The following RIMS2 variants were observed in gnomAD, a reference collection of about 807,000 sequenced individuals.
RIMS2 encodes regulating synaptic membrane exocytosis protein 2.
RIMS2 carries 59 observed loss-of-function variants against 174.4 expected under a neutral mutation model. The ratio of observed to expected loss-of-function variants is 0.34; its 90% confidence interval spans 0.27 to 0.42. The LOEUF (loss-of-function observed/expected upper bound fraction) is 0.42, where lower values mean the gene tolerates loss of function less well. RIMS2 is among the 10% of genes least tolerant of loss of function. The pLI is 1.00. For synonymous variants in RIMS2, 606 were observed against 572.5 expected, an observed-to-expected ratio of 1.06 and a Z score of -0.84; for missense variants, 1,620 against 1,666.3, an observed-to-expected ratio of 0.97 and a Z score of 0.48.
At chr8:103,877,205 A>T (rs966164721) in intron 3 of RIMS2, among the ~76,000 whole-genome samples, 4 of 151,482 alleles carry the variant, frequency 2.6e-5, no homozygotes, top group South Asian at 2.1e-4. Context: ...CTACACCAAC[A>T]TTTATTATTT....
intron 3 of RIMS2, among the ~76,000 whole-genome samples, chr8:103,778,666 G>A (rs1436795060): frequency 1.3e-5 from 2 of 152,084 alleles, no homozygotes; most frequent in Non-Finnish European, 2.9e-5. Flanking sequence ...TAGGCATTTA[G>A]GTTGATTTTA....
At chr8:104,217,957 A>G (rs772592307) in intron 19 of RIMS2, among the ~76,000 whole-genome samples, 31 of 152,228 alleles carry the variant, frequency 2.0e-4, no homozygotes, top group Non-Finnish European at 3.5e-4. Flanking sequence ...TTTTTAATAA[A>G]CCAAACCAAA....
intron 19 of RIMS2, among the ~76,000 whole-genome samples, chr8:104,196,616 A>G (rs895411490): frequency 2.0e-5 from 3 of 152,160 alleles, no homozygotes; most frequent in Non-Finnish European, 4.4e-5. Context: ...ATGTTTGATG[A>G]TAGTACAGTT....
chr8:103,583,968 G>C (rs1236026608), intron 1 of RIMS2, among the ~76,000 whole-genome samples: 1 of 152,056 alleles, frequency 6.6e-6, no homozygotes, highest in Non-Finnish European at 1.5e-5. Context: ...GTACAAGAAG[G>C]TTATAGAACT....
chr8:104,135,094 G>A (rs1180744059), intron 19 of RIMS2, among the ~76,000 whole-genome samples: 2 of 152,094 alleles, frequency 1.3e-5, no homozygotes, highest in Non-Finnish European at 1.5e-5. Context: ...TGGTATAAGG[G>A]AATTTCGTCT....
At chr8:104,070,565 C>T (rs2097179227) in intron 19 of RIMS2, among the ~76,000 whole-genome samples, 1 of 152,136 alleles carries the variant, frequency 6.6e-6, no homozygotes, top group South Asian at 2.1e-4. Context: ...TTTCTGCCTA[C>T]AACTAAATAG....
At chr8:104,059,964 C>T (rs1442384685) in intron 19 of RIMS2, among the ~76,000 whole-genome samples, 2 of 151,924 alleles carry the variant, frequency 1.3e-5, no homozygotes, top group South Asian at 2.1e-4. Flanking sequence ...CTGCTGGATT[C>T]GTTTTGCCAG....
chr8:103,576,559 G>A (rs2093254353), intron 1 of RIMS2, among the ~76,000 whole-genome samples: 1 of 151,992 alleles, frequency 6.6e-6, no homozygotes, highest in South Asian at 2.1e-4. Flanking sequence ...CAGTTTTAAG[G>A]AATCTAAATG....
At chr8:103,919,257 A>G (rs140976997) in intron 9 of RIMS2, among the ~76,000 whole-genome samples, 4 of 152,230 alleles carry the variant, frequency 2.6e-5, no homozygotes, top group African/African-American at 9.6e-5. Flanking sequence ...CCTGGGGGGA[A>G]ATCTTTCCAG....
At chr8:103,766,615 T>A (rs1299369497) in intron 3 of RIMS2, 78 bp downstream of exon 6, 11 of 952,470 alleles carry the variant, frequency 1.2e-5, no homozygotes, top group Admixed American at 2.7e-5. Context: ...ATACATGAAA[T>A]GTTTAGGCAA....
chr8:103,515,385 A>G (rs1312159260), intron 1 of RIMS2, among the ~76,000 whole-genome samples: 1 of 152,230 alleles, frequency 6.6e-6, no homozygotes, highest in Non-Finnish European at 1.5e-5. Context: ...AACTCAGTTA[A>G]GCCATTTTTT....
At chr8:103,832,233 G>A (rs1319249083) in intron 3 of RIMS2, among the ~76,000 whole-genome samples, 7 of 151,710 alleles carry the variant, frequency 4.6e-5, no homozygotes, top group Admixed American at 3.9e-4. Context: ...GACAATTTTT[G>A]CCTTTTACAT....
At chr8:103,551,043 T>C (rs980302730) in intron 1 of RIMS2, among the ~76,000 whole-genome samples, 5 of 152,184 alleles carry the variant, frequency 3.3e-5, no homozygotes, top group Admixed American at 2.0e-4. Flanking sequence ...GTACCATTTC[T>C]TCTGAAACTA....
At chr8:103,867,486 T>G (rs935619563) in intron 3 of RIMS2, among the ~76,000 whole-genome samples, 20 of 151,860 alleles carry the variant, frequency 1.3e-4, no homozygotes, top group Non-Finnish European at 1.6e-4. Context: ...AGAACTAACC[T>G]TTTAAGTTTT....
At chr8:103,785,644 T>A (rs2098436643) in intron 3 of RIMS2, among the ~76,000 whole-genome samples, 1 of 152,070 alleles carries the variant, frequency 6.6e-6, no homozygotes, top group African/African-American at 2.4e-5. Context: ...TGGATAAGCT[T>A]TTTGATGTGC....
chr8:104,225,297 TGAACCCA>T (rs1192044567), intron 19 of RIMS2, among the ~76,000 whole-genome samples: 1 of 152,182 alleles, frequency 6.6e-6, no homozygotes, highest in Admixed American at 6.5e-5. Flanking sequence ...AGCCAGCGTT[TGAACCCA>T]GGCATTCAGC....
intron 1 of RIMS2, among the ~76,000 whole-genome samples, chr8:103,549,923 A>C (rs1054758594): frequency 6.6e-6 from 1 of 151,482 alleles, no homozygotes; most frequent in Non-Finnish European, 1.5e-5. Context: ...AGAGCTAACT[A>C]TCCTAAATGC....
At chr8:103,535,161 A>T (rs371013202) in intron 1 of RIMS2, among the ~76,000 whole-genome samples, 137 of 152,352 alleles carry the variant, frequency 9.0e-4, no homozygotes, top group African/African-American at 3.2e-3. Flanking sequence ...TCTGAATGTC[A>T]GAACTTTCTC....
intron 1 of RIMS2, among the ~76,000 whole-genome samples, chr8:103,629,945 CAT>C (rs1295881153): frequency 3.3e-5 from 5 of 151,892 alleles, no homozygotes; most frequent in African/African-American, 1.2e-4. Flanking sequence ...AAATACCTAA[CAT>C]ATGTGTCCTC....
Sources: allele counts gnomAD v4.1 joint callset (sites outside exome capture counted in the v4.1 genomes callset), GRCh38; gene constraint gnomAD v4.1.1; transcripts MANE v1.5; gene names NCBI Gene and HGNC (gene_info 2026-07-23, HGNC 2026-07-21).